Variants in SPAG17 observed in about 807,000 individuals in gnomAD.
The protein encoded by SPAG17 is sperm-associated antigen 17.
SPAG17 carries 169 observed loss-of-function variants against 273.6 expected under a neutral mutation model. The ratio of observed to expected loss-of-function variants is 0.62; its 90% CI spans 0.55 to 0.70. The LOEUF (loss-of-function observed/expected upper bound fraction) is 0.70. SPAG17 is among the 30% of genes least tolerant of loss of function. SPAG17 has a pLI of 0.00. For missense variants in SPAG17, 2,557 were observed against 2,627.8 expected (o/e 0.97, Z 0.59); for synonymous variants, 825 against 873.2 (o/e 0.94, Z 0.97).
intron 7 of SPAG17, among the ~76,000 whole-genome samples, chr1:118,095,022 A>G (rs1019467500): frequency 3.3e-5 from 5 of 152,228 alleles, no homozygotes; most frequent in Non-Finnish European, 7.3e-5. Flanking sequence ...GACCCTTTAC[A>G]TTAATGTTTC....
chr1:118,157,534 C>A (rs1216098914), intron 1 of SPAG17, among the ~76,000 whole-genome samples: 1 of 152,184 alleles, frequency 6.6e-6, no homozygotes, highest in Non-Finnish European at 1.5e-5. Flanking sequence ...TACTTCCCCA[C>A]TCAGGCATCT....
chr1:118,143,042 A>T (rs181732571), intron 3 of SPAG17, among the ~76,000 whole-genome samples: 1 of 152,230 alleles, frequency 6.6e-6, no homozygotes, highest in Non-Finnish European at 1.5e-5. Flanking sequence ...CATAAGAATT[A>T]AAAAACCCTG....
intron 1 of SPAG17, among the ~76,000 whole-genome samples, chr1:118,176,773 A>G (rs917091205): frequency 6.6e-6 from 1 of 152,226 alleles, no homozygotes; most frequent in Admixed American, 6.5e-5. Context: ...CACACAGAAC[A>G]CTTTCCAGTA....
At chr1:117,958,932 A>G in intron 48 of SPAG17, 1 of 1,614,056 alleles carries the variant, frequency 6.2e-7, no homozygotes, top group Non-Finnish European at 8.5e-7. Flanking sequence ...ACAGATCACT[A>G]GCAATCAAAT....
At chr1:117,997,551 C>A in intron 32 of SPAG17, among the ~76,000 whole-genome samples, 2 of 135,874 alleles carry the variant, frequency 1.5e-5, no homozygotes, top group South Asian at 2.3e-4. Flanking sequence ...CAAAATTTCA[C>A]TGTTGAATGA....
chr1:117,969,855 G>A lies in SPAG17; in HGVS notation c.6387+201C>T, dbSNP rs1015718792. Reference sequence around the variant, plus strand: ...GTTTATGCATTGGATTGGTCTCATGGTTACTACATGGAATGAATGCCATCA... The same window carrying A: ...GTTTATGCATTGGATTGGTCTCATGATTACTACATGGAATGAATGCCATCA... On this transcript the variant is annotated intron_variant, in intron 46 of 48. Transcript: ENST00000336338. Among the ~76,000 whole-genome samples, 5 of 152,272 alleles carry A rather than the reference G, an allele frequency of 3.3e-5. No homozygotes were observed. In the South Asian group the frequency reaches 1.0e-3, roughly 32 times the overall value.
At chr1:118,184,753 A>C (rs1266987269) in intron 1 of SPAG17, among the ~76,000 whole-genome samples, 1 of 152,208 alleles carries the variant, frequency 6.6e-6, no homozygotes, top group Non-Finnish European at 1.5e-5. Flanking sequence ...CCATAAAAGG[A>C]ATTCCAGTAC....
chr1:118,108,087 TGTTCTTTACCCTACCCA>T (rs1656517546), intron 4 of SPAG17, among the ~76,000 whole-genome samples: 2 of 152,132 alleles, frequency 1.3e-5, no homozygotes, highest in Admixed American at 1.3e-4. Flanking sequence ...TTTTTGAACA[TGTTCTTTACCCTACCCA>T]GTGCATTCTG....
Position 117,996,522 on chromosome 1 carries a change from T to C in SPAG17, c.4923-22A>G, listed in dbSNP as rs149153456. ...AAACCTATTTGAAGAAATAAAAATA[T>C]AATCACTTCAAGTATTCCGTTAAAA... is the stretch of plus-strand genomic sequence containing the variant. On this transcript the variant is annotated intron_variant, in intron 33 of 48. Coordinates refer to ENST00000336338, the MANE Select transcript of SPAG17 (RefSeq NM_206996.4). 1.5e-4 allele frequency: 244 copies of C among 1,608,310 alleles called. No individual in the cohort carries two copies. The East Asian group carries it at 4.8e-3, about 32-fold the overall frequency.
chr1:118,168,709 C>G (rs1035590443), intron 1 of SPAG17, among the ~76,000 whole-genome samples: 1 of 152,094 alleles, frequency 6.6e-6, no homozygotes, highest in Non-Finnish European at 1.5e-5. Context: ...TGGGCAACAA[C>G]TAAAGGAGAT....
At chr1:118,032,179 A>G (rs1222881783) in intron 24 of SPAG17, among the ~76,000 whole-genome samples, 1 of 152,200 alleles carries the variant, frequency 6.6e-6, no homozygotes. Context: ...TTATTTGAGA[A>G]ATATTTGAGA....
chr1:118,048,333 GGC>G (rs1325909563), intron 20 of SPAG17, among the ~76,000 whole-genome samples: 10 of 152,126 alleles, frequency 6.6e-5, no homozygotes, highest in Admixed American at 3.9e-4. Context: ...GTGACAGGCT[GGC>G]TGCTGCGGAT....
At chr1:118,104,172 T>C (rs1656249134) in intron 4 of SPAG17, among the ~76,000 whole-genome samples, 1 of 152,106 alleles carries the variant, frequency 6.6e-6, no homozygotes, top group Non-Finnish European at 1.5e-5. Context: ...GTGACTTAGA[T>C]TAAAGTGTTG....
intron 1 of SPAG17, among the ~76,000 whole-genome samples, chr1:118,167,451 A>G (rs1660224315): frequency 6.6e-6 from 1 of 152,156 alleles, no homozygotes; most frequent in Non-Finnish European, 1.5e-5. Flanking sequence ...TAGAATATTT[A>G]CCTATTTATG....
intron 6 of SPAG17, 24 bp downstream of exon 6, chr1:118,099,582 T>G (rs374525258): frequency 1.2e-6 from 2 of 1,607,638 alleles, no homozygotes; most frequent in Non-Finnish European, 1.7e-6. Flanking sequence ...AAGGACTCAG[T>G]AAGTTGTGTA....
chr1:118,093,004 G>T, intron 8 of SPAG17, 152 bp downstream of exon 8: 1 of 770,332 alleles, frequency 1.3e-6, no homozygotes, highest in Non-Finnish European at 2.0e-6. Flanking sequence ...GCTTCACAAA[G>T]CCCCCATCAT....
chr1:117,988,105 C>A lies in SPAG17; in HGVS notation c.5621G>T (p.Arg1874Ile). Residue 1874 changes from arginine (R) to isoleucine (I), a missense_variant and splice_region_variant, in exon 39 of 49, where the codon AGA (arginine) becomes ATA (isoleucine). Arg to Ile is a moderately conservative substitution (Grantham distance 97). Transcript: ENST00000336338. ...FGKDFFEKTW[R>I]HTASSKRWKE... The stretch of plus-strand genomic sequence containing the variant: ...AGAACACATTATTGGATTAGCTTAC[C>A]TCCATGTCTTTTCAAAGAAATCTTT... 6.3e-7 allele frequency: 1 copy of A among 1,598,828 alleles called. No homozygotes were observed. Among genetic ancestry groups the A allele is most frequent in the South Asian group, 1.1e-5 (1 of 87,480 alleles).
At chr1:118,049,019 A>T (rs1452899894) in intron 20 of SPAG17, among the ~76,000 whole-genome samples, 1 of 152,232 alleles carries the variant, frequency 6.6e-6, no homozygotes, top group Non-Finnish European at 1.5e-5. Context: ...ACTTACCAAG[A>T]CTGAGTCATG....
chr1:118,059,823 G>T (rs1652093989), intron 18 of SPAG17, among the ~76,000 whole-genome samples: 1 of 151,874 alleles, frequency 6.6e-6, no homozygotes, highest in African/African-American at 2.4e-5. Context: ...CACCTTATTT[G>T]TGCCCTTAAA....
Sources: allele counts gnomAD v4.1 joint callset (sites outside exome capture counted in the v4.1 genomes callset), GRCh38; gene constraint gnomAD v4.1.1; transcripts MANE v1.5; gene names NCBI Gene and HGNC (gene_info 2026-07-23, HGNC 2026-07-21).